The following NKIRAS2 variants were observed in gnomAD, a reference collection of about 807,000 sequenced individuals.
NKIRAS2 encodes NFKB inhibitor interacting Ras like 2, also known as NF-kappa-B inhibitor-interacting Ras-like protein 2.
A neutral mutation model predicts 20.7 loss-of-function variants in NKIRAS2; 15 were observed. The ratio of observed to expected loss-of-function variants is 0.73; its 90% CI spans 0.49 to 1.12. NKIRAS2 has a LOEUF of 1.12. NKIRAS2 is among the 50% of genes most tolerant of loss of function. The pLI is 0.00. For synonymous variants in NKIRAS2, 116 were observed against 101.4 expected, an observed-to-expected ratio of 1.14 and a Z score of -0.87; for missense variants, 196 against 249.6, an observed-to-expected ratio of 0.79 and a Z score of 1.45.
At chr17:42,019,890 C>T (rs1555652695), upstream of NKIRAS2, among the ~76,000 whole-genome samples, 2 of 152,250 alleles carry the variant, frequency 1.3e-5, no homozygotes, top group African/African-American at 4.8e-5. Context: ...AACATCTGGG[C>T]CTCAGAGACA....
In NKIRAS2 at chr17:42,021,557, C is replaced by T; in HGVS notation, c.-14-7C>T. 1 of 1,612,428 alleles carries T rather than the reference C, an allele frequency of 6.2e-7. No homozygotes were observed. The highest frequency in any genetic ancestry group is 8.5e-7 in the Non-Finnish European group (1 of 1,178,508). On this transcript the variant is annotated splice_polypyrimidine_tract_variant and splice_region_variant and intron_variant, in intron 1 of 3. Coordinates refer to ENST00000393885, the MANE Select transcript of NKIRAS2 (RefSeq NM_017595.6). ...TCACCTTACCCAGCGTGCTTCTGTT[C>T]TTCAAGGTTGAAAACTAAGCATGGG...
chr17:42,019,494 CT>C (rs1320503724), upstream of NKIRAS2, among the ~76,000 whole-genome samples: 1 of 152,112 alleles, frequency 6.6e-6, no homozygotes, highest in Non-Finnish European at 1.5e-5. Context: ...TTATCTGTTT[CT>C]TTTTTTAAAT....
chr17:42,020,346 C>T (rs1417423557), intron 1 of NKIRAS2, 142 bp downstream of exon 1: 3 of 152,492 alleles, frequency 2.0e-5, no homozygotes, highest in Non-Finnish European at 4.4e-5. Flanking sequence ...CTCTGGCCCA[C>T]TCTTATGGTG....
rs2052532626 is a variant in NKIRAS2 at position 42,024,543 on chromosome 17, CG to C, written c.*653del. Reference sequence around the variant, plus strand: ...ATCCCAGCACTTTGGGAGGCCAAGGCGGGTCGATTACTTGAGGTCAGGAGTT... The same window carrying C: ...ATCCCAGCACTTTGGGAGGCCAAGGCGGTCGATTACTTGAGGTCAGGAGTT... On this transcript the variant is annotated 3_prime_UTR_variant, in exon 4 of 4. Transcript: ENST00000393885. 1 of 152,562 alleles carries C rather than the reference CG, an allele frequency of 6.6e-6. No individual in the cohort carries two copies. The highest frequency in any genetic ancestry group is 2.0e-4 in the South Asian group (1 of 4,898). 9.5% of individuals were successfully genotyped at this position (152,562 alleles called of 1,614,324 possible).
chr17:42,020,769 T>G (rs962748071), intron 1 of NKIRAS2: 2 of 152,288 alleles, frequency 1.3e-5, no homozygotes, highest in Non-Finnish European at 2.9e-5. Flanking sequence ...GGAGTCTTGC[T>G]CTGCCGCCCA....
At chr17:42,017,591 T>G, upstream of NKIRAS2, 1 of 777,562 alleles carries the variant, frequency 1.3e-6, no homozygotes, top group South Asian at 1.8e-5. Flanking sequence ...TCCACGGTGG[T>G]CTCCGCGCCG....
At chr17:42,023,157 C>G (rs1426201597) in intron 3 of NKIRAS2, 1 of 270,478 alleles carries the variant, frequency 3.7e-6, no homozygotes, top group African/African-American at 2.3e-5. Context: ...TGCCACCACA[C>G]CTGGCTAAGT....
intron 2 of NKIRAS2, chr17:42,022,151 G>A (rs1217119827): frequency 1.0e-5 from 5 of 489,860 alleles, no homozygotes; most frequent in Non-Finnish European, 1.5e-5. Flanking sequence ...GGAGGTTGCG[G>A]TGAGCCGAGA....
At position 42,022,427 on chromosome 17, in the gene NKIRAS2, C is replaced by T. The variant is rs782112174; in HGVS notation, c.123C>T (p.Asp41=). The part of the protein sequence containing the change: ...VGSEMIETQE[D]IYVGSIETDR... ...CGGAGATGATCGAGACGCAGGAGGA[C>T]ATCTACGTGGGCTCCATTGAGACAG... The change falls in exon 3 of 4, where the codon GAC becomes GAT. Residue 41 remains aspartate, a synonymous_variant. Transcript: ENST00000393885. 5.6e-6 allele frequency: 9 copies of T among 1,595,286 alleles called. No homozygotes were observed. In the Admixed American group the frequency reaches 1.5e-4, roughly 27 times the overall value.
chr17:42,023,835 G>T lies in NKIRAS2; in HGVS notation c.518G>T (p.Ser173Ile). 6.2e-7 allele frequency: 1 copy of T among 1,614,192 alleles called. No homozygotes were observed. Among genetic ancestry groups the T allele is most frequent in the Non-Finnish European group, 8.5e-7 (1 of 1,180,046 alleles). ...GCCAGCAAGATGACGCAACCCCAGAGCAAGTCTGCCTTCCCCCTCAGCCGG... is the reference window on the plus strand; with the variant it reads ...GCCAGCAAGATGACGCAACCCCAGATCAAGTCTGCCTTCCCCCTCAGCCGG... ...YLASKMTQPQ[S>I]KSAFPLSRKN... The change falls in exon 4 of 4, where the codon AGC (serine) becomes ATC (isoleucine). Residue 173 changes from serine to isoleucine, a missense_variant. Ser to Ile is a moderately radical substitution (Grantham distance 142). Coordinates refer to ENST00000393885, the MANE Select transcript of NKIRAS2 (RefSeq NM_017595.6).
upstream of NKIRAS2, among the ~76,000 whole-genome samples, chr17:42,018,208 T>C (rs1555652360): frequency 6.6e-6 from 1 of 152,096 alleles, no homozygotes; most frequent in African/African-American, 2.4e-5. Flanking sequence ...ATATAAACTC[T>C]CTACTCATCA....
intron 2 of NKIRAS2, 41 bp from the exon 3 acceptor site, chr17:42,022,358 T>A: frequency 6.5e-7 from 1 of 1,531,444 alleles, no homozygotes. Context: ...ACATTTCCCA[T>A]CTCTCTCTCC....
chr17:42,021,980 C>T (rs534492675), intron 2 of NKIRAS2: 7 of 585,038 alleles, frequency 1.2e-5, no homozygotes, highest in South Asian at 4.2e-5. Context: ...GAGGCTGAGG[C>T]GGGTGGATCA....
Position 42,023,803 on chromosome 17 carries a change from C to G in NKIRAS2, c.486C>G (p.Val162=). The G allele has an allele frequency of 6.2e-7, 1 of 1,614,170 alleles. No homozygotes were observed. The highest frequency in any genetic ancestry group is 1.1e-5 in the South Asian group (1 of 91,074). Residue 162 remains valine (V), a synonymous_variant, in exon 4 of 4, where the codon GTC becomes GTG. Transcript: ENST00000393885. ...GGCGCTCCCTCCTGGAGCCCTTTGT[C>G]TACTTGGCCAGCAAGATGACGCAAC... ...ADRRSLLEPF[V]YLASKMTQPQ...
At position 42,023,773 on chromosome 17, in the gene NKIRAS2, G is replaced by A. The variant is rs782354682; in HGVS notation, c.456G>A (p.Ala152=). ...EKVKLWEVSV[A]DRRSLLEPFV... is the part of the protein sequence containing the mutation. ...TGAAGCTGTGGGAGGTGTCAGTGGC[G>A]GACCGGCGCTCCCTCCTGGAGCCCT... The change falls in exon 4 of 4, where the codon GCG becomes GCA. Residue 152 remains alanine (A), a synonymous_variant. Transcript: ENST00000393885. 21 of 1,614,016 alleles carry A rather than the reference G, an allele frequency of 1.3e-5. No individual in the cohort carries two copies. Among genetic ancestry groups the A allele is most frequent in the East Asian group, 2.2e-5 (1 of 44,890 alleles).
chr17:42,022,877 A>G, intron 3 of NKIRAS2: 2 of 458,098 alleles, frequency 4.4e-6, no homozygotes, highest in East Asian at 3.5e-5. Context: ...TGAAGCCCCC[A>G]TTTAGTTGTT....
In NKIRAS2 at chr17:42,022,637, G is replaced by A. The variant is rs781977144; in HGVS notation, c.333G>A (p.Lys111=). 8.7e-6 allele frequency: 14 copies of A among 1,611,114 alleles called. No individual in the cohort carries two copies. Among genetic ancestry groups the A allele is most frequent in the South Asian group, 1.1e-5 (1 of 91,034 alleles). The change falls in exon 3 of 4, where the codon AAG becomes AAA. Residue 111 remains lysine, a synonymous_variant. Transcript: ENST00000393885. Reference sequence around the variant, plus strand: ...AGATTGACAAATCCAAGGACAAGAAGGAGGTGTGTGGCATAGGCTTCTGGT... The same window carrying A: ...AGATTGACAAATCCAAGGACAAGAAAGAGGTGTGTGGCATAGGCTTCTGGT... ...KKEIDKSKDK[K]EVTIVVLGNK... is the part of the protein sequence containing the mutation.
At chr17:42,022,839 T>G (rs886256256) in intron 3 of NKIRAS2, among the ~76,000 whole-genome samples, 199 bp downstream of exon 3, 2 of 152,082 alleles carry the variant, frequency 1.3e-5, no homozygotes, top group African/African-American at 4.8e-5. Flanking sequence ...GGCCTCTTTG[T>G]GGTTTAAGGG....
chr17:42,024,051 TG>T lies in NKIRAS2; in HGVS notation c.*161del. 2 of 1,152,824 alleles carry T rather than the reference TG, an allele frequency of 1.7e-6. No homozygotes were observed. Among genetic ancestry groups the T allele is most frequent in the Non-Finnish European group, 2.4e-6 (2 of 839,528 alleles). 71.4% of individuals were successfully genotyped at this position (1,152,824 alleles called of 1,614,324 possible). Reference sequence around the variant, plus strand: ...CAGCCACTTTGCTCCCTCTCACCTCTGGGAAGTGCAAATACTCTTGGTTGAC... The same window carrying T: ...CAGCCACTTTGCTCCCTCTCACCTCTGGAAGTGCAAATACTCTTGGTTGAC... On this transcript the variant is annotated 3_prime_UTR_variant, in exon 4 of 4. Coordinates refer to ENST00000393885, the MANE Select transcript of NKIRAS2 (RefSeq NM_017595.6).
Sources: gnomAD v4.1 joint callset for allele counts (sites outside exome capture counted in the v4.1 genomes callset) on GRCh38, gnomAD v4.1.1 for gene constraint, MANE v1.5 for transcripts, NCBI Gene and HGNC (gene_info 2026-07-23, HGNC 2026-07-21) for gene names.